CCSER1: variants seen among roughly 807,000 people sequenced by gnomAD.
The protein encoded by CCSER1 is coiled-coil serine rich protein 1, also known as serine-rich coiled-coil domain-containing protein 1.
In CCSER1, 41 loss-of-function variants were observed where a neutral mutation model predicts 82.0. The observed-to-expected ratio is 0.50, with a 90% confidence interval of 0.39 to 0.65. CCSER1 has a LOEUF of 0.65. Among genes scored for constraint, CCSER1 ranks in the 30% least tolerant of loss-of-function variants. The pLI, the probability that CCSER1 is intolerant of heterozygous loss-of-function variation, is 0.00. For synonymous variants in CCSER1, 414 were observed against 383.9 expected (o/e 1.08, Z -0.92); for missense variants, 1,119 against 1,064.2 (o/e 1.05, Z -0.72).
intron 10 of CCSER1, among the ~76,000 whole-genome samples, chr4:91,526,878 C>A (rs1288298392): frequency 6.6e-6 from 1 of 152,096 alleles, no homozygotes; most frequent in Non-Finnish European, 1.5e-5. Flanking sequence ...TAGGCGTGGG[C>A]CACTGTGCCT....
intron 5 of CCSER1, among the ~76,000 whole-genome samples, chr4:90,610,672 A>G (rs929461255): frequency 7.2e-5 from 11 of 152,212 alleles, no homozygotes; most frequent in Non-Finnish European, 1.5e-4. Context: ...CAGTACAACA[A>G]TAAACTTCAT....
intron 4 of CCSER1, among the ~76,000 whole-genome samples, chr4:90,417,254 T>C (rs1279098427): frequency 1.3e-5 from 2 of 152,002 alleles, no homozygotes; most frequent in Non-Finnish European, 2.9e-5. Flanking sequence ...TGCATTTAAA[T>C]GCATGAACTT....
At chr4:91,092,455 C>T (rs1041443167) in intron 10 of CCSER1, among the ~76,000 whole-genome samples, 1 of 152,190 alleles carries the variant, frequency 6.6e-6, no homozygotes, top group African/African-American at 2.4e-5. Context: ...ATTTGAAGAT[C>T]TTCAAAGGGA....
At chr4:90,426,342 A>G (rs546105579) in intron 4 of CCSER1, among the ~76,000 whole-genome samples, 79 of 152,332 alleles carry the variant, frequency 5.2e-4, no homozygotes, top group Non-Finnish European at 9.8e-4. Flanking sequence ...GTATAATACT[A>G]GGCAATGATG....
At chr4:90,184,348 G>T (rs1039244818) in intron 1 of CCSER1, among the ~76,000 whole-genome samples, 8 of 152,120 alleles carry the variant, frequency 5.3e-5, no homozygotes, top group African/African-American at 1.9e-4. Context: ...TTGCACCAAA[G>T]AGTAAGTTTC....
chr4:91,228,367 C>T (rs1455449620), intron 10 of CCSER1, among the ~76,000 whole-genome samples: 2 of 151,918 alleles, frequency 1.3e-5, no homozygotes, highest in East Asian at 3.9e-4. Flanking sequence ...TAAGGAAGCA[C>T]ATACACATAA....
chr4:90,762,428 T>G (rs1023969587), intron 7 of CCSER1, among the ~76,000 whole-genome samples: 3 of 152,172 alleles, frequency 2.0e-5, no homozygotes, highest in African/African-American at 7.2e-5. Flanking sequence ...GACAAACTAA[T>G]ACAGAGACAA....
At chr4:91,178,778 T>A (rs1485968421) in intron 10 of CCSER1, among the ~76,000 whole-genome samples, 1 of 152,196 alleles carries the variant, frequency 6.6e-6, no homozygotes, top group Non-Finnish European at 1.5e-5. Context: ...AGTCTGTTTC[T>A]TTTAATGAGG....
Position 91,310,122 on chromosome 4 carries a change from G to A in CCSER1, c.2217+224128G>A, listed in dbSNP as rs377511607. 1.8e-4 allele frequency among the ~76,000 whole-genome samples: 28 copies of A among 152,044 alleles called. No individual in the cohort carries two copies. In the East Asian group the frequency reaches 5.5e-3, roughly 30 times the overall value. ...ACACTAGTCATATTAGAGCCCACCT[G>A]CTAAAGCTTAGAGTGGAAGCTTAGC... is the stretch of plus-strand genomic sequence containing the variant. On this transcript the variant is annotated intron_variant, in intron 10 of 10. Transcript: ENST00000509176.
chr4:91,597,328 A>C (rs924815990), intron 10 of CCSER1, among the ~76,000 whole-genome samples: 13 of 152,156 alleles, frequency 8.5e-5, no homozygotes, highest in African/African-American at 2.4e-4. Flanking sequence ...GTATTATCTC[A>C]AACTTTATTC....
intron 10 of CCSER1, among the ~76,000 whole-genome samples, chr4:91,281,213 T>G (rs140830091): frequency 6.6e-6 from 1 of 152,304 alleles, no homozygotes; most frequent in Non-Finnish European, 1.5e-5. Context: ...AGGCATTTCT[T>G]GTCATTTTTC....
chr4:90,872,091 T>G (rs1354092254), intron 8 of CCSER1, among the ~76,000 whole-genome samples: 1 of 151,814 alleles, frequency 6.6e-6, no homozygotes, highest in Non-Finnish European at 1.5e-5. Flanking sequence ...AGAGAGCAGA[T>G]AGTTGGGGCT....
At chr4:91,117,658 G>A (rs986233644) in intron 10 of CCSER1, among the ~76,000 whole-genome samples, 3 of 151,996 alleles carry the variant, frequency 2.0e-5, no homozygotes, top group African/African-American at 7.3e-5. Flanking sequence ...GCGTTGTAAG[G>A]TGTGACTTTA....
chr4:90,204,972 C>T (rs1206749035), intron 1 of CCSER1, among the ~76,000 whole-genome samples: 1 of 152,098 alleles, frequency 6.6e-6, no homozygotes, highest in East Asian at 1.9e-4. Flanking sequence ...AATGGAAGTT[C>T]ACTCAAGATT....
At chr4:91,261,166 T>A (rs1001979490) in intron 10 of CCSER1, among the ~76,000 whole-genome samples, 3 of 152,162 alleles carry the variant, frequency 2.0e-5, no homozygotes, top group African/African-American at 7.2e-5. Flanking sequence ...TTTTTCTAAT[T>A]TTTCAGATGA....
intron 5 of CCSER1, among the ~76,000 whole-genome samples, chr4:90,500,134 CT>C (rs959372030): frequency 6.6e-6 from 1 of 151,912 alleles, no homozygotes; most frequent in Non-Finnish European, 1.5e-5. Flanking sequence ...TTCTTTTTCC[CT>C]TTTTTTCATG....
chr4:91,456,530 G>T (rs528144149), intron 10 of CCSER1, among the ~76,000 whole-genome samples: 8 of 152,010 alleles, frequency 5.3e-5, no homozygotes, highest in Admixed American at 4.6e-4. Flanking sequence ...TTTTCAACTT[G>T]AAAGCCATAT....
intron 10 of CCSER1, among the ~76,000 whole-genome samples, chr4:91,520,839 G>T (rs1042543315): frequency 6.6e-6 from 1 of 151,996 alleles, no homozygotes. Flanking sequence ...TGACAACTGT[G>T]AATTATCAGT....
At chr4:91,029,267 G>A (rs751406966) in intron 9 of CCSER1, among the ~76,000 whole-genome samples, 8 of 146,398 alleles carry the variant, frequency 5.5e-5, no homozygotes, top group South Asian at 2.2e-4. Context: ...AGTACTTATC[G>A]TTCGGTTTTT....
Sources: gnomAD v4.1 joint callset for allele counts (sites outside exome capture counted in the v4.1 genomes callset) on GRCh38, gnomAD v4.1.1 for gene constraint, MANE v1.5 for transcripts, NCBI Gene and HGNC (gene_info 2026-07-23, HGNC 2026-07-21) for gene names.